The following TRPC3 variants were observed in gnomAD, a reference collection of about 807,000 sequenced individuals.
The protein encoded by TRPC3 is short transient receptor potential channel 3.
TRPC3 carries 54 observed loss-of-function variants against 90.9 expected under a neutral mutation model. That is an observed-to-expected ratio of 0.59 (90% confidence interval 0.48 to 0.75). The LOEUF (loss-of-function observed/expected upper bound fraction) is 0.75. Ranked by LOEUF, TRPC3 falls within the 30% of genes least tolerant of loss-of-function variation. TRPC3 has a pLI of 0.00. For synonymous variants in TRPC3, 424 were observed against 450.9 expected, an observed-to-expected ratio of 0.94 and a Z score of 0.75; for missense variants, 918 against 1,194.5, an observed-to-expected ratio of 0.77 and a Z score of 3.41.
intron 6 of TRPC3, among the ~76,000 whole-genome samples, chr4:121,908,135 T>G (rs1165580110): frequency 6.6e-6 from 1 of 152,160 alleles, no homozygotes; most frequent in Non-Finnish European, 1.5e-5. Context: ...AGTAAAAGAA[T>G]TTTGGATATA....
At chr4:121,950,583 A>G (rs1730687237) in intron 1 of TRPC3, 1 of 152,280 alleles carries the variant, frequency 6.6e-6, no homozygotes, top group Non-Finnish European at 1.5e-5. Flanking sequence ...TGCGTCTCGC[A>G]CTGATTAAAA....
At chr4:121,906,928 G>A (rs1010514475) in intron 7 of TRPC3, among the ~76,000 whole-genome samples, 4 of 152,086 alleles carry the variant, frequency 2.6e-5, no homozygotes, top group Admixed American at 2.0e-4. Context: ...ACCGATCAAT[G>A]AATATATTAA....
chr4:121,903,154 C>T (rs1578616004), intron 8 of TRPC3, 93 bp from the exon 9 acceptor site: 14 of 1,152,814 alleles, frequency 1.2e-5, no homozygotes, highest in Admixed American at 2.7e-5. Context: ...ATCTAAGTTA[C>T]GTTTTTGAAA....
chr4:121,882,008 T>C (rs1244710017), intron 11 of TRPC3, among the ~76,000 whole-genome samples: 1 of 152,118 alleles, frequency 6.6e-6, no homozygotes, highest in African/African-American at 2.4e-5. Context: ...TCTGCTTAAC[T>C]GGAAAAATGT....
chr4:121,939,168 G>A (rs1730225048), intron 1 of TRPC3, among the ~76,000 whole-genome samples: 1 of 152,136 alleles, frequency 6.6e-6, no homozygotes, highest in Admixed American at 6.6e-5. Context: ...AGGGTGGGTG[G>A]TGCAGTATAG....
At chr4:121,910,127 A>G in intron 6 of TRPC3, 27 bp downstream of exon 6, 2 of 1,597,928 alleles carry the variant, frequency 1.3e-6, no homozygotes, top group Non-Finnish European at 1.7e-6. Flanking sequence ...CCCAAAACAC[A>G]AGGGGACCCT....
At chr4:121,929,222 G>A (rs77154570) in intron 2 of TRPC3, among the ~76,000 whole-genome samples, 5,285 of 152,240 alleles carry the variant, frequency 0.035, 305 homozygotes, top group African/African-American at 0.12. Flanking sequence ...CTTTTACAAA[G>A]TGAAAGATGA....
rs71599161 is a variant in TRPC3, at chr4:121,926,411, C to CT, written c.988-1206dup. 4.8e-4 allele frequency among the ~76,000 whole-genome samples: 69 copies of CT among 144,700 alleles called. No homozygotes were observed. In the South Asian group the frequency reaches 8.3e-3, roughly 17 times the overall value. The allele number at this position is 144,700 out of a possible 152,430, so 94.9% of individuals were successfully genotyped here. A position where few individuals can be genotyped will look rare whatever the true frequency, so the allele number is the denominator to read the frequency against. The stretch of plus-strand genomic sequence containing the variant: ...ATATGATTTTCTATTTTTTTGTTTT[C>CT]TTTTTTTTTTTTTTAGATGGAGTCT... On this transcript the variant is annotated intron_variant, in intron 2 of 11. Coordinates refer to ENST00000379645, the MANE Select transcript of TRPC3 (RefSeq NM_001130698.2).
chr4:121,918,048 G>A (rs1363976207), intron 3 of TRPC3, among the ~76,000 whole-genome samples: 1 of 152,090 alleles, frequency 6.6e-6, no homozygotes, highest in Non-Finnish European at 1.5e-5. Flanking sequence ...TAACAGGTGG[G>A]GCCTTCAAGA....
chr4:121,914,349 G>A (rs1290250454), intron 4 of TRPC3, among the ~76,000 whole-genome samples: 1 of 152,224 alleles, frequency 6.6e-6, no homozygotes, highest in Admixed American at 6.5e-5. Context: ...GATTTCTTCT[G>A]ACAGGTCCAA....
Position 121,877,803 on chromosome 4 carries a change from GC to G in TRPC3, c.*1932del, listed in dbSNP as rs1727809184. Among the ~76,000 whole-genome samples the G allele has an allele frequency of 1.4e-5, 2 of 142,316 alleles. No homozygotes were observed. The highest frequency in any genetic ancestry group is 2.2e-4 in the South Asian group (1 of 4,574). The allele number at this position is 142,316 out of a possible 152,430, so 93.4% of individuals were successfully genotyped here. On this transcript the variant is annotated 3_prime_UTR_variant, in exon 12 of 12. Coordinates refer to ENST00000379645, the MANE Select transcript of TRPC3 (RefSeq NM_001130698.2). Reference sequence around the variant, plus strand: ...CAAAAAAAAAAAAAAAAAAAAGTCAGCTTTTTATCCACATGGTGTGGATACC... The same window carrying G: ...CAAAAAAAAAAAAAAAAAAAAGTCAGTTTTTATCCACATGGTGTGGATACC...
At chr4:121,911,543 T>C (rs1047062053) in intron 5 of TRPC3, among the ~76,000 whole-genome samples, 2 of 152,158 alleles carry the variant, frequency 1.3e-5, no homozygotes, top group East Asian at 1.9e-4. Flanking sequence ...TTGATAGCCA[T>C]TGGGTTATTT....
intron 8 of TRPC3, among the ~76,000 whole-genome samples, chr4:121,903,573 C>T (rs1185311872): frequency 6.6e-6 from 1 of 151,992 alleles, no homozygotes; most frequent in African/African-American, 2.4e-5. Flanking sequence ...ACATAAGCCC[C>T]TGAGTGCCTG....
At position 121,878,612 on chromosome 4, in the gene TRPC3, A is replaced by G. The variant is rs1370557404; in HGVS notation, c.*1124T>C. On this transcript the variant is annotated 3_prime_UTR_variant, in exon 12 of 12. Transcript: ENST00000379645. ...GGCATTGCGGATATTACCAGCATTC[A>G]GCACAATTATGTAATAAGGCATATG... Among the ~76,000 whole-genome samples, 1 of 152,226 alleles carries G rather than the reference A, an allele frequency of 6.6e-6. No individual in the cohort carries two copies. Among genetic ancestry groups the G allele is most frequent in the African/African-American group, 2.4e-5 (1 of 41,446 alleles).
chr4:121,945,865 C>T (rs1039415553), intron 1 of TRPC3, among the ~76,000 whole-genome samples: 1 of 151,954 alleles, frequency 6.6e-6, no homozygotes, highest in Non-Finnish European at 1.5e-5. Context: ...ATCTCTTCTC[C>T]CCTGAGAAAT....
At chr4:121,916,278 G>A (rs776638672) in intron 3 of TRPC3, among the ~76,000 whole-genome samples, 10 of 152,082 alleles carry the variant, frequency 6.6e-5, no homozygotes, top group Admixed American at 3.3e-4. Flanking sequence ...CAGGACAGGC[G>A]ATGTAGGTTC....
intron 7 of TRPC3, among the ~76,000 whole-genome samples, chr4:121,906,232 A>G (rs1728876479): frequency 6.6e-6 from 1 of 152,138 alleles, no homozygotes; most frequent in Admixed American, 6.6e-5. Context: ...AGCTAGAAAC[A>G]GCAGAGATTG....
In TRPC3 at chr4:121,916,285, G is replaced by A. The variant is rs747288870; in HGVS notation, c.1177-1341C>T. ...TCATCTCCCAGGACAGGCGATGTAG[G>A]TTCAATTTCCCCCAAATCCCTGCCT... is the stretch of plus-strand genomic sequence containing the variant. On this transcript the variant is annotated intron_variant, in intron 3 of 11. Transcript: ENST00000379645. Among the ~76,000 whole-genome samples, 15 of 152,070 alleles carry A rather than the reference G, an allele frequency of 9.9e-5. No individual in the cohort carries two copies. In the South Asian group the frequency reaches 1.0e-3, roughly 11 times the overall value.
At chr4:121,909,759 T>C (rs1729018807) in intron 6 of TRPC3, among the ~76,000 whole-genome samples, 1 of 152,140 alleles carries the variant, frequency 6.6e-6, no homozygotes, top group African/African-American at 2.4e-5. Flanking sequence ...GCAACTTTTA[T>C]TATCTTATCT....
Sources: gnomAD v4.1 joint callset for allele counts (sites outside exome capture counted in the v4.1 genomes callset) on GRCh38, gnomAD v4.1.1 for gene constraint, MANE v1.5 for transcripts, NCBI Gene and HGNC (gene_info 2026-07-23, HGNC 2026-07-21) for gene names.